The following TRPM4 variants were observed in gnomAD, a reference collection of about 807,000 sequenced individuals.
TRPM4 encodes transient receptor potential cation channel subfamily M member 4.
TRPM4 carries 124 observed loss-of-function variants against 135.6 expected under a neutral mutation model. That is an observed-to-expected ratio of 0.91 (90% confidence interval 0.79 to 1.06). The LOEUF is 1.06. Ranked by LOEUF, TRPM4 falls within the 50% of genes least tolerant of loss-of-function variation. The pLI is 0.00. For missense variants in TRPM4, 1,658 were observed against 1,671.4 expected, an observed-to-expected ratio of 0.99 and a Z score of 0.14; for synonymous variants, 745 against 705.6, an observed-to-expected ratio of 1.06 and a Z score of -0.88.
chr19:49,190,581 C>A, intron 15 of TRPM4, 115 bp from the exon 16 acceptor site: 1 of 1,130,050 alleles, frequency 8.8e-7, no homozygotes, highest in Non-Finnish European at 1.3e-6. Flanking sequence ...CTTTAGGAGA[C>A]CACCTCTCTG....
Position 49,196,728 on chromosome 19 carries a change from G to A in TRPM4, c.2499G>A (p.Leu833=). ...TGTGCGAGGAACTGCGCCAGGGCCT[G>A]AGCGGAGGCGGGGGCAGCCTCGCCA... ...TLLCEELRQG[L]SGGGGSLASG... Residue 833 remains leucine (L), a synonymous_variant, in exon 17 of 25, where the codon CTG becomes CTA. Coordinates refer to ENST00000252826, the MANE Select transcript of TRPM4 (RefSeq NM_017636.4). 6.4e-7 allele frequency: 1 copy of A among 1,552,232 alleles called. No homozygotes were observed. Among genetic ancestry groups the A allele is most frequent in the South Asian group, 1.2e-5 (1 of 85,106 alleles).
rs537218443 is a variant in TRPM4 at position 49,188,857 on chromosome 19, G to A, written c.1873+87G>A. The A allele has an allele frequency of 1.9e-5, 30 of 1,612,686 alleles. No individual in the cohort carries two copies. In the East Asian group the frequency reaches 4.7e-4, roughly 25 times the overall value. ...CTCCGCACTCCTCACATATCCCTGC[G>A]CCATCCCCTTAAATTCCCTTACCTC... On this transcript the variant is annotated intron_variant, in intron 13 of 24. Coordinates refer to ENST00000252826, the MANE Select transcript of TRPM4 (RefSeq NM_017636.4).
rs960522960 is a variant in TRPM4, at chr19:49,157,897, G to A, written c.24+7G>A. ...GGTGCCGGAGAAGGAGCAGGTGAGCGCCGGACCAGGGTCTGCGGGAGCGCG... is the reference window on the plus strand; with the variant it reads ...GGTGCCGGAGAAGGAGCAGGTGAGCACCGGACCAGGGTCTGCGGGAGCGCG... On this transcript the variant is annotated splice_region_variant and intron_variant, in intron 1 of 24. Coordinates refer to ENST00000252826, the MANE Select transcript of TRPM4 (RefSeq NM_017636.4). 1.7e-5 allele frequency: 26 copies of A among 1,535,294 alleles called. No homozygotes were observed. In the Admixed American group the frequency reaches 5.1e-4, roughly 30 times the overall value.
At position 49,210,583 on chromosome 19, in the gene TRPM4, G is replaced by C; in HGVS notation, c.3329-127G>C. On this transcript the variant is annotated intron_variant, in intron 21 of 24. Coordinates refer to ENST00000252826, the MANE Select transcript of TRPM4 (RefSeq NM_017636.4). The surrounding 1 kb of genome is among the most constrained non-coding windows in gnomAD (Gnocchi z 4.1). ...GGGGCAGTGCTTACGGGTGAGGGGC[G>C]GGGCATGTTCTCGAATCACCAGGGG... 2 of 1,492,202 alleles carry C rather than the reference G, an allele frequency of 1.3e-6. No homozygotes were observed. The highest frequency in any genetic ancestry group is 1.8e-6 in the Non-Finnish European group (2 of 1,082,218). The allele number at this position is 1,492,202 out of a possible 1,614,324, so 92.4% of individuals were successfully genotyped here. A position where few individuals can be genotyped will look rare whatever the true frequency, so the allele number is the denominator to read the frequency against.
intron 6 of TRPM4, among the ~76,000 whole-genome samples, chr19:49,169,068 C>T (rs909236792): frequency 6.7e-6 from 1 of 150,364 alleles, no homozygotes; most frequent in Admixed American, 6.6e-5. Flanking sequence ...GGTGTGGTGT[C>T]GTGTGCCTGT....
At chr19:49,184,993 T>C (rs1209108024) in intron 12 of TRPM4, among the ~76,000 whole-genome samples, 1 of 151,976 alleles carries the variant, frequency 6.6e-6, no homozygotes, top group East Asian at 1.9e-4. Context: ...TATAAAGAAT[T>C]AACCCAGTTT....
chr19:49,201,116 TG>T (rs747144745), intron 19 of TRPM4, among the ~76,000 whole-genome samples: 6 of 145,382 alleles, frequency 4.1e-5, no homozygotes, highest in Non-Finnish European at 7.7e-5. Flanking sequence ...TTTTATTTTT[TG>T]TAGAAAGGGT....
rs374713278 is a variant in TRPM4, at chr19:49,200,730, C to G, written c.2898C>G (p.Val966=). 4 of 1,614,012 alleles carry G rather than the reference C, an allele frequency of 2.5e-6. No individual in the cohort carries two copies. The African/African-American group carries it at 5.3e-5, about 22-fold the overall frequency. The change falls in exon 19 of 25, where the codon GTC becomes GTG. Residue 966 remains valine, a synonymous_variant. Coordinates refer to ENST00000252826, the MANE Select transcript of TRPM4 (RefSeq NM_017636.4). ...ACTTCCCAAGTATCCTGCGCCGCGT[C>G]TTCTACCGTCCCTACCTGCAGATCT... The part of the protein sequence containing the change: ...DSDFPSILRR[V]FYRPYLQIFG...
Position 49,166,206 on chromosome 19 carries a change from G to A in TRPM4, c.258G>A (p.Lys86=). The change falls in exon 3 of 25, where the codon AAG becomes AAA. Residue 86 remains lysine (K), a synonymous_variant. Coordinates refer to ENST00000252826, the MANE Select transcript of TRPM4 (RefSeq NM_017636.4). ...GELDFTGAGR[K]HSNFLRLSDR... ...TGGACTTCACGGGGGCCGGCCGCAA[G>A]CACAGCAATGTGAGGCGGGCCTCTG... 1 of 1,604,100 alleles carries A rather than the reference G, an allele frequency of 6.2e-7. No individual in the cohort carries two copies. Among genetic ancestry groups the A allele is most frequent in the Non-Finnish European group, 8.5e-7 (1 of 1,176,508 alleles).
In TRPM4 at chr19:49,196,749, C is replaced by T. The variant is rs556538310; in HGVS notation, c.2520C>T (p.Leu840=). 16 of 1,548,984 alleles carry T rather than the reference C, an allele frequency of 1.0e-5. No homozygotes were observed. The highest frequency in any genetic ancestry group is 7.1e-5 in the South Asian group (6 of 84,882). The change falls in exon 17 of 25, where the codon CTC becomes CTT. Residue 840 remains leucine (L), a synonymous_variant. Coordinates refer to ENST00000252826, the MANE Select transcript of TRPM4 (RefSeq NM_017636.4). ...GCCTGAGCGGAGGCGGGGGCAGCCT[C>T]GCCAGCGGGGGCCCCGGGCCTGGCC... The part of the protein sequence containing the change: ...RQGLSGGGGS[L]ASGGPGPGHA...
At position 49,168,055 on chromosome 19, in the gene TRPM4, G is replaced by A. The variant is rs1394832332; in HGVS notation, c.406G>A (p.Asp136Asn). Residue 136 changes from aspartate (D) to asparagine (N), a missense_variant, in exon 4 of 25, where the codon GAC becomes AAC. Asp to Asn is a conservative substitution (Grantham distance 23). Coordinates refer to ENST00000252826, the MANE Select transcript of TRPM4 (RefSeq NM_017636.4). ...CCCCGTCCTCCAGACCTGGCTGCAG[G>A]ACCTGCTGCGTCGTGGGCTGGTGCG... is the stretch of plus-strand genomic sequence containing the variant. ...GGPVLQTWLQ[D>N]LLRRGLVRAA... The A allele has an allele frequency of 6.2e-7, 1 of 1,611,464 alleles. No individual in the cohort carries two copies. Among genetic ancestry groups the A allele is most frequent in the Non-Finnish European group, 8.5e-7 (1 of 1,179,802 alleles).
intron 2 of TRPM4, among the ~76,000 whole-genome samples, chr19:49,164,048 G>A (rs1763766536): frequency 6.6e-6 from 1 of 152,184 alleles, no homozygotes; most frequent in African/African-American, 2.4e-5. Context: ...TGTCTTTACG[G>A]CTTTTGCCAA....
Position 49,200,686 on chromosome 19 carries a change from C to T in TRPM4, c.2854C>T (p.Leu952=). The T allele has an allele frequency of 3.7e-6, 6 of 1,614,100 alleles. No individual in the cohort carries two copies. Among genetic ancestry groups the T allele is most frequent in the Non-Finnish European group, 4.2e-6 (5 of 1,180,030 alleles). Residue 952 remains leucine, a synonymous_variant, in exon 19 of 25, where the codon CTG becomes TTG. Coordinates refer to ENST00000252826, the MANE Select transcript of TRPM4 (RefSeq NM_017636.4). ...CTATGGCGTGGCCACGGAGGGGCTC[C>T]TGAGGCCACGGGACAGTGACTTCCC... is the stretch of plus-strand genomic sequence containing the variant. ...VAYGVATEGL[L]RPRDSDFPSI...
At chr19:49,189,339 A>G (rs1968323180) in intron 14 of TRPM4, among the ~76,000 whole-genome samples, 1 of 152,206 alleles carries the variant, frequency 6.6e-6, no homozygotes, top group African/African-American at 2.4e-5. Context: ...CAGATAGAGA[A>G]ACTCCTTGTG....
At chr19:49,194,683 T>TC (rs1286428405) in intron 16 of TRPM4, among the ~76,000 whole-genome samples, 14 of 135,820 alleles carry the variant, frequency 1.0e-4, no homozygotes, top group South Asian at 5.5e-4. Context: ...CTTCCTTCCT[T>TC]CTTTTCTTCC....
Position 49,171,725 on chromosome 19 carries a change from A to T in TRPM4, c.1006A>T (p.Arg336Trp). 1 of 1,613,094 alleles carries T rather than the reference A, an allele frequency of 6.2e-7. No individual in the cohort carries two copies. Among genetic ancestry groups the T allele is most frequent in the South Asian group, 1.1e-5 (1 of 91,078 alleles). Reference sequence around the variant, plus strand: ...GCAAGGCGAAGCCCGAGATCGAATCAGGCGTTTCTTTCCCAAAGGGGACCT... The same window carrying T: ...GCAAGGCGAAGCCCGAGATCGAATCTGGCGTTTCTTTCCCAAAGGGGACCT... ...ARQGEARDRI[R>W]RFFPKGDLEV... Residue 336 changes from arginine to tryptophan, a missense_variant, in exon 8 of 25, where the codon AGG becomes TGG. Physicochemically the swap from Arg to Trp is moderately radical, Grantham distance 101 (BLOSUM62 -3). Around this residue, in one of 3 missense-constraint regions of TRPM4, gnomAD observed 1,412 missense variants for 1,408.7 expected, o/e 1.00. Transcript: ENST00000252826. This position sits in a 1 kb window ranked among gnomAD's most constrained non-coding sequence, Gnocchi z 4.7.
chr19:49,158,476 C>G, intron 2 of TRPM4: 1 of 587,000 alleles, frequency 1.7e-6, no homozygotes, highest in Admixed American at 3.0e-5. Flanking sequence ...TCAGTGTAGA[C>G]GCTCCAGGGC....
intron 18 of TRPM4, 32 bp from the exon 19 acceptor site, chr19:49,200,579 G>A: frequency 1.2e-6 from 2 of 1,608,560 alleles, no homozygotes; most frequent in Non-Finnish European, 1.7e-6. Flanking sequence ...GTAGGAAAGG[G>A]CGGGGCCAGA....
intron 6 of TRPM4, among the ~76,000 whole-genome samples, chr19:49,169,890 A>G (rs1411012162): frequency 6.6e-6 from 1 of 152,152 alleles, no homozygotes; most frequent in African/African-American, 2.4e-5. Flanking sequence ...CAAAACATGA[A>G]CAAGATACAT....
Sources: gnomAD v4.1 joint callset for allele counts (sites outside exome capture counted in the v4.1 genomes callset) on GRCh38, gnomAD v4.1.1 for gene constraint, gnomAD v4.1.1 regional missense constraint, Gnocchi (gnomAD v3.1) non-coding constraint, MANE v1.5 for transcripts, NCBI Gene and HGNC (gene_info 2026-07-23, HGNC 2026-07-21) for gene names.